HLCS: variants seen among roughly 807,000 people sequenced by gnomAD.
The protein encoded by HLCS is biotin--protein ligase.
In HLCS, 53 loss-of-function variants were observed where a neutral mutation model predicts 75.0. The ratio of observed to expected loss-of-function variants is 0.71; its 90% CI spans 0.57 to 0.89. HLCS has a LOEUF of 0.89. HLCS is among the 40% of genes least tolerant of loss of function. The pLI, the probability that HLCS is intolerant of heterozygous loss-of-function variation, is 0.00. For synonymous variants in HLCS, 431 were observed against 428.6 expected, an observed-to-expected ratio of 1.01 and a Z score of -0.07; for missense variants, 966 against 1,074.0, an observed-to-expected ratio of 0.90 and a Z score of 1.41.
chr21:36,911,024 G>A (rs2065682467), intron 5 of HLCS, among the ~76,000 whole-genome samples: 1 of 152,172 alleles, frequency 6.6e-6, no homozygotes, highest in South Asian at 2.1e-4. Flanking sequence ...GACACCCTCG[G>A]GCCAAAATGA....
chr21:36,796,248 T>C (rs945382579), intron 6 of HLCS, among the ~76,000 whole-genome samples: 27 of 152,240 alleles, frequency 1.8e-4, no homozygotes, highest in African/African-American at 5.8e-4. Context: ...ATGTGTATTA[T>C]AATCAGATAT....
intron 8 of HLCS, among the ~76,000 whole-genome samples, chr21:36,763,946 T>A (rs977883513): frequency 3.9e-5 from 6 of 152,144 alleles, no homozygotes. Flanking sequence ...TGGTCAACAG[T>A]GGATAAAGGA....
intron 2 of HLCS, among the ~76,000 whole-genome samples, chr21:36,942,555 G>A (rs2067198120): frequency 6.6e-6 from 1 of 152,040 alleles, no homozygotes. Context: ...GGCATAAATT[G>A]TCATGACTTT....
At chr21:36,793,013 G>C (rs1383560678) in intron 6 of HLCS, among the ~76,000 whole-genome samples, 1 of 152,172 alleles carries the variant, frequency 6.6e-6, no homozygotes, top group Non-Finnish European at 1.5e-5. Flanking sequence ...CAGCATCCTT[G>C]GGGGCAGCTG....
intron 5 of HLCS, among the ~76,000 whole-genome samples, chr21:36,907,963 A>G (rs1200588188): frequency 6.6e-6 from 1 of 152,082 alleles, no homozygotes; most frequent in Admixed American, 6.5e-5. Flanking sequence ...ATCCACCTGA[A>G]TGGTTAAAAT....
intron 5 of HLCS, among the ~76,000 whole-genome samples, chr21:36,904,738 T>C (rs1459029694): frequency 6.6e-6 from 1 of 152,204 alleles, no homozygotes; most frequent in Non-Finnish European, 1.5e-5. Flanking sequence ...TAAATCTGCC[T>C]GGCATGTCTT....
intron 5 of HLCS, among the ~76,000 whole-genome samples, chr21:36,901,112 T>G (rs2065219472): frequency 6.6e-6 from 1 of 151,966 alleles, no homozygotes; most frequent in Non-Finnish European, 1.5e-5. Flanking sequence ...AATACAAAAA[T>G]TAGCTGGGCA....
intron 6 of HLCS, among the ~76,000 whole-genome samples, chr21:36,876,361 T>C (rs549090450): frequency 2.9e-4 from 44 of 152,322 alleles, no homozygotes; most frequent in Admixed American, 2.1e-3. Context: ...GTGATTTTGA[T>C]TGAGCTTGTA....
chr21:36,834,875 T>A (rs537014580), intron 6 of HLCS, among the ~76,000 whole-genome samples: 1 of 152,324 alleles, frequency 6.6e-6, no homozygotes, highest in South Asian at 2.1e-4. Context: ...TTCTAAGGCA[T>A]CCTATTCTGA....
intron 10 of HLCS, among the ~76,000 whole-genome samples, chr21:36,755,217 T>C (rs1466369806): frequency 6.6e-6 from 1 of 151,986 alleles, no homozygotes; most frequent in African/African-American, 2.4e-5. Context: ...GGCAATATAG[T>C]GAGACCCTGC....
intron 6 of HLCS, among the ~76,000 whole-genome samples, chr21:36,802,299 G>A (rs984848473): frequency 1.3e-5 from 2 of 152,198 alleles, no homozygotes; most frequent in Non-Finnish European, 1.5e-5. Context: ...TGGAAGAAGC[G>A]TACTTCATGT....
intron 6 of HLCS, among the ~76,000 whole-genome samples, chr21:36,803,739 G>GT (rs2061280678): frequency 8.9e-6 from 1 of 112,088 alleles, no homozygotes; most frequent in Non-Finnish European, 1.8e-5. Flanking sequence ...GTTTTGTTTT[G>GT]TTTGTTTTTT....
At chr21:36,942,767 A>C (rs1415845053) in intron 2 of HLCS, among the ~76,000 whole-genome samples, 1 of 152,140 alleles carries the variant, frequency 6.6e-6, no homozygotes, top group African/African-American at 2.4e-5. Context: ...ATCCAATTTA[A>C]AAATGGGCAA....
rs749904486 is a variant in HLCS at position 36,756,795 on chromosome 21, T to A, written c.2237-40A>T. On this transcript the variant is annotated intron_variant, in intron 9 of 10. Transcript: ENST00000674895. ...ACAATTGAGCAGCTCAGCCTGTTGA[T>A]GGCATCACACATTCCTCTCTGCCAC... 2.0e-5 allele frequency: 32 copies of A among 1,613,158 alleles called. No homozygotes were observed. In the African/African-American group the frequency reaches 3.1e-4, roughly 15 times the overall value.
intron 9 of HLCS, chr21:36,756,970 T>C (rs568919132): frequency 3.2e-5 from 32 of 984,794 alleles, no homozygotes; most frequent in Admixed American, 1.2e-4. Flanking sequence ...GCTAAAACCA[T>C]CTCAACCTTA....
chr21:36,803,923 C>T (rs778111513), intron 6 of HLCS: 2 of 152,246 alleles, frequency 1.3e-5, no homozygotes, highest in Non-Finnish European at 2.9e-5. Flanking sequence ...AAGCCATCCA[C>T]CTCACCAGAC....
intron 6 of HLCS, among the ~76,000 whole-genome samples, chr21:36,885,065 C>T (rs527526340): frequency 1.1e-4 from 16 of 152,262 alleles, no homozygotes; most frequent in African/African-American, 3.1e-4. Context: ...AAGAGAAACA[C>T]AAACATGGAC....
chr21:36,822,345 G>A (rs1284380377), intron 6 of HLCS, among the ~76,000 whole-genome samples: 11 of 152,110 alleles, frequency 7.2e-5, no homozygotes, highest in African/African-American at 2.4e-4. Flanking sequence ...GCTTGAACCC[G>A]GGAGGCAGAG....
intron 2 of HLCS, among the ~76,000 whole-genome samples, chr21:36,945,260 T>C (rs1287249832): frequency 1.3e-5 from 2 of 152,106 alleles, no homozygotes; most frequent in Non-Finnish European, 2.9e-5. Context: ...TCATATGTTG[T>C]ACCCCATAAA....
Sources: gnomAD v4.1 joint callset for allele counts (sites outside exome capture counted in the v4.1 genomes callset) on GRCh38, gnomAD v4.1.1 for gene constraint, MANE v1.5 for transcripts, NCBI Gene and HGNC (gene_info 2026-07-23, HGNC 2026-07-21) for gene names.